Variants in TRMT9B observed in about 807,000 individuals in gnomAD.
The protein encoded by TRMT9B is tRNA methyltransferase 9B (putative).
A neutral mutation model predicts 11.5 loss-of-function variants in TRMT9B; 16 were observed. The ratio of observed to expected loss-of-function variants is 1.39; its 90% confidence interval spans 0.94 to 2.11. The LOEUF is 2.11. TRMT9B is among the 30% of genes most tolerant of loss of function. TRMT9B has a pLI of 0.00. For synonymous variants in TRMT9B, 274 were observed against 192.4 expected, an observed-to-expected ratio of 1.42 and a Z score of -3.51; for missense variants, 941 against 553.8, an observed-to-expected ratio of 1.70 and a Z score of -7.02.
chr8:13,012,910 G>A, intron 4 of TRMT9B, 53 bp downstream of exon 4: 1 of 1,589,118 alleles, frequency 6.3e-7, no homozygotes, highest in Non-Finnish European at 8.6e-7. Context: ...AATTGACCCG[G>A]TTTAGTCCGT....
chr8:13,007,187 A>G (rs985501344), intron 3 of TRMT9B: 6 of 152,248 alleles, frequency 3.9e-5, no homozygotes, highest in Non-Finnish European at 7.3e-5. Context: ...ATTATGGAAG[A>G]GGTCCAGTAA....
chr8:13,004,534 C>T (rs779995401), intron 2 of TRMT9B, among the ~76,000 whole-genome samples: 19 of 151,926 alleles, frequency 1.3e-4, no homozygotes, highest in Non-Finnish European at 2.4e-4. Flanking sequence ...AGGCCCTACC[C>T]CCCAGATGAT....
At chr8:12,999,321 G>GAA (rs554434283) in intron 2 of TRMT9B, among the ~76,000 whole-genome samples, 1 of 127,086 alleles carries the variant, frequency 7.9e-6, no homozygotes. Flanking sequence ...AAAAAGAAAA[G>GAA]AAAAAAAAAA....
In TRMT9B at chr8:12,975,443, T is replaced by C. The variant is rs550926119; in HGVS notation, c.-199-15391T>C. On this transcript the variant is annotated intron_variant, in intron 1 of 4. Coordinates refer to ENST00000524591, the MANE Select transcript of TRMT9B (RefSeq NM_020844.3). ...GGAAAGAAAAAAAAAAGCTTTTAAATTGATGTTTCTAGGGGAGGTACAGTA... is the reference window on the plus strand; with the variant it reads ...GGAAAGAAAAAAAAAAGCTTTTAAACTGATGTTTCTAGGGGAGGTACAGTA... 6.5e-4 allele frequency among the ~76,000 whole-genome samples: 99 copies of C among 152,032 alleles called. 1 individual carries two copies. The Middle Eastern group carries it at 0.031, about 47-fold the overall frequency.
At chr8:12,986,465 A>C (rs1375917001) in intron 1 of TRMT9B, among the ~76,000 whole-genome samples, 1 of 152,240 alleles carries the variant, frequency 6.6e-6, no homozygotes, top group Non-Finnish European at 1.5e-5. Flanking sequence ...CACACAGCTC[A>C]TACTGTAATA....
At chr8:12,989,880 C>A (rs543729598) in intron 1 of TRMT9B, among the ~76,000 whole-genome samples, 1 of 152,320 alleles carries the variant, frequency 6.6e-6, no homozygotes, top group Admixed American at 6.5e-5. Context: ...TGGCACAGAT[C>A]ATGTGCCTAC....
chr8:13,004,005 G>A (rs1809950459), intron 2 of TRMT9B, among the ~76,000 whole-genome samples: 1 of 151,752 alleles, frequency 6.6e-6, no homozygotes, highest in African/African-American at 2.4e-5. Context: ...GAGGGAGAAT[G>A]CTGCGTTTGT....
rs972572705 is a variant in TRMT9B, at chr8:13,026,628, A to G, written c.*4584A>G. The G allele has an allele frequency of 5.4e-5, 9 of 167,148 alleles. No homozygotes were observed. In the Admixed American group the frequency reaches 5.9e-4, roughly 11 times the overall value. The allele number at this position is 167,148 out of a possible 1,614,324, so 10.4% of individuals were successfully genotyped here. On this transcript the variant is annotated 3_prime_UTR_variant, in exon 5 of 5. Coordinates refer to ENST00000524591, the MANE Select transcript of TRMT9B (RefSeq NM_020844.3). ...CTCACCACAGCCCTCCAAGATAACTATACTTATTGTTCCCATTTTGCAGAT... is the reference window on the plus strand; with the variant it reads ...CTCACCACAGCCCTCCAAGATAACTGTACTTATTGTTCCCATTTTGCAGAT...
chr8:13,003,924 A>G (rs139132723), intron 2 of TRMT9B, among the ~76,000 whole-genome samples: 16 of 151,508 alleles, frequency 1.1e-4, no homozygotes, highest in African/African-American at 3.4e-4. Context: ...CAGTCTTGAT[A>G]TGCCCATGCC....
At chr8:12,966,539 G>T (rs1412822431) in intron 1 of TRMT9B, among the ~76,000 whole-genome samples, 1 of 152,152 alleles carries the variant, frequency 6.6e-6, no homozygotes, top group Non-Finnish European at 1.5e-5. Context: ...AGACATAAAA[G>T]CATGTGTTGG....
intron 2 of TRMT9B, among the ~76,000 whole-genome samples, chr8:12,995,955 A>G (rs1036643247): frequency 1.3e-5 from 2 of 152,208 alleles, no homozygotes; most frequent in Admixed American, 6.5e-5. Context: ...TAGTTTGTCC[A>G]TACATTTTTC....
At chr8:13,018,247 C>T (rs1019507610) in intron 4 of TRMT9B, among the ~76,000 whole-genome samples, 1 of 151,158 alleles carries the variant, frequency 6.6e-6, no homozygotes, top group Non-Finnish European at 1.5e-5. Flanking sequence ...ACAAAAAATA[C>T]AAAAATTAGC....
intron 1 of TRMT9B, among the ~76,000 whole-genome samples, chr8:12,968,348 C>T (rs1803114255): frequency 6.6e-6 from 1 of 152,160 alleles, no homozygotes; most frequent in African/African-American, 2.4e-5. Context: ...GTTTCTGTCC[C>T]TTTAATCTAG....
chr8:13,022,114 T>C lies in TRMT9B; in HGVS notation c.*70T>C. On this transcript the variant is annotated 3_prime_UTR_variant, in exon 5 of 5. Coordinates refer to ENST00000524591, the MANE Select transcript of TRMT9B (RefSeq NM_020844.3). ...TTCCTCTTGGTTTGATATGGTTACC[T>C]GAATTTGCATTCAGTGTTATTTGTT... 1.9e-6 allele frequency: 2 copies of C among 1,075,362 alleles called. No homozygotes were observed. The highest frequency in any genetic ancestry group is 1.7e-5 in the South Asian group (1 of 59,872). The allele number at this position is 1,075,362 out of a possible 1,614,324, so 66.6% of individuals were successfully genotyped here.
rs989057769 is a variant in TRMT9B, at chr8:13,006,549, G to A, written c.154+193G>A. On this transcript the variant is annotated intron_variant, in intron 3 of 4. Coordinates refer to ENST00000524591, the MANE Select transcript of TRMT9B (RefSeq NM_020844.3). Reference sequence around the variant, plus strand: ...CTTTTCACATTGATTTTTCATTTTTGTTCTAATAGGAATCCTGAAATTGCA... The same window carrying A: ...CTTTTCACATTGATTTTTCATTTTTATTCTAATAGGAATCCTGAAATTGCA... 5.6e-6 allele frequency: 8 copies of A among 1,428,310 alleles called. No individual in the cohort carries two copies. The African/African-American group carries it at 8.6e-5, about 15-fold the overall frequency. The allele number at this position is 1,428,310 out of a possible 1,614,324, so 88.5% of individuals were successfully genotyped here. A position where few individuals can be genotyped will look rare whatever the true frequency, so the allele number is the denominator to read the frequency against.
intron 1 of TRMT9B, among the ~76,000 whole-genome samples, chr8:12,986,564 A>G (rs1035527388): frequency 6.6e-6 from 1 of 152,268 alleles, no homozygotes; most frequent in African/African-American, 2.4e-5. Flanking sequence ...CCGCAAATGC[A>G]TACATCTTAA....
At chr8:12,974,990 C>A (rs1011893408) in intron 1 of TRMT9B, among the ~76,000 whole-genome samples, 50 of 150,536 alleles carry the variant, frequency 3.3e-4, no homozygotes, top group Non-Finnish European at 7.1e-4. Context: ...AGGGTTGAGA[C>A]TGGATCATGG....
intron 1 of TRMT9B, among the ~76,000 whole-genome samples, chr8:12,949,086 G>C (rs1288845474): frequency 1.3e-5 from 2 of 152,066 alleles, no homozygotes; most frequent in Non-Finnish European, 2.9e-5. Context: ...TTTCTACATA[G>C]ACTCTACTTA....
At chr8:12,976,918 A>G (rs771104634) in intron 1 of TRMT9B, among the ~76,000 whole-genome samples, 44 of 152,106 alleles carry the variant, frequency 2.9e-4, no homozygotes, top group Non-Finnish European at 4.7e-4. Context: ...AGTTGGGGTA[A>G]TACATTAACT....
Sources: gnomAD v4.1 joint callset for allele counts (sites outside exome capture counted in the v4.1 genomes callset) on GRCh38, gnomAD v4.1.1 for gene constraint, MANE v1.5 for transcripts, NCBI Gene and HGNC (gene_info 2026-07-23, HGNC 2026-07-21) for gene names.